OGFOD1: variants seen among roughly 807,000 people sequenced by gnomAD.
OGFOD1 encodes 2-oxoglutarate and iron dependent oxygenase domain containing 1.
OGFOD1 carries 54 observed loss-of-function variants against 67.7 expected under a neutral mutation model. That is an observed-to-expected ratio of 0.80 (90% CI 0.64 to 1.00). The LOEUF (loss-of-function observed/expected upper bound fraction) is 1.00. Among genes scored for constraint, OGFOD1 ranks in the 50% least tolerant of loss-of-function variants. The probability of loss-of-function intolerance (pLI) is 0.00; values close to 1 mark genes in which losing one functional copy is unlikely to be tolerated. For missense variants in OGFOD1, 606 were observed against 646.7 expected, an observed-to-expected ratio of 0.94 and a Z score of 0.68; for synonymous variants, 221 against 227.0, an observed-to-expected ratio of 0.97 and a Z score of 0.24.
Position 56,466,145 on chromosome 16 carries a change from A to G in OGFOD1, c.449-7A>G, listed in dbSNP as rs1349150862. 6.2e-7 allele frequency: 1 copy of G among 1,609,168 alleles called. No homozygotes were observed. Among genetic ancestry groups the G allele is most frequent in the African/African-American group, 1.3e-5 (1 of 74,956 alleles). ...AGGGATCTAAGGTGTCCATTAAACT[A>G]TTGCAGATGCCCTGCTGTGCCATGA... On this transcript the variant is annotated splice_polypyrimidine_tract_variant and splice_region_variant and intron_variant, in intron 4 of 12. Coordinates refer to ENST00000566157, the MANE Select transcript of OGFOD1 (RefSeq NM_018233.4).
intron 11 of OGFOD1, 54 bp from the exon 12 acceptor site, chr16:56,475,453 G>C: frequency 6.6e-7 from 1 of 1,507,382 alleles, no homozygotes; most frequent in Non-Finnish European, 9.2e-7. Flanking sequence ...TAAGTAGATG[G>C]TGCGACTCTT....
chr16:56,463,176 T>A (rs560848120), intron 4 of OGFOD1, among the ~76,000 whole-genome samples: 95 of 152,128 alleles, frequency 6.2e-4, no homozygotes, highest in African/African-American at 2.3e-3. Context: ...ATATAAATGG[T>A]TTTTTTGGAT....
intron 4 of OGFOD1, among the ~76,000 whole-genome samples, chr16:56,463,820 T>C (rs1962809808): frequency 6.6e-6 from 1 of 152,000 alleles, no homozygotes; most frequent in Non-Finnish European, 1.5e-5. Flanking sequence ...TGAGAGTAAG[T>C]TGTTGGCATG....
chr16:56,459,553 A>G (rs1298715914), intron 3 of OGFOD1, among the ~76,000 whole-genome samples: 1 of 152,242 alleles, frequency 6.6e-6, no homozygotes, highest in African/African-American at 2.4e-5. Context: ...TGAATGTGGT[A>G]GTTATCTATG....
In OGFOD1 at chr16:56,470,016, C is replaced by T. The variant is rs1460745902; in HGVS notation, c.914C>T (p.Thr305Met). The change falls in exon 9 of 13, where the codon ACG (threonine) becomes ATG (methionine). Residue 305 changes from threonine to methionine, a missense_variant. Coordinates refer to ENST00000566157, the MANE Select transcript of OGFOD1 (RefSeq NM_018233.4). The stretch of plus-strand genomic sequence containing the variant: ...CTCATTTTCTAGCCTGAGAAATTCA[C>T]GAAAGTCTGTGAGGCCTTGGAGCAT... ...LKEFLKPEKF[T>M]KVCEALEHGH... is the part of the protein sequence containing the mutation. 17 of 1,613,974 alleles carry T rather than the reference C, an allele frequency of 1.1e-5. 1 individual carries two copies. The highest frequency in any genetic ancestry group is 2.2e-5 in the South Asian group (2 of 91,076).
intron 10 of OGFOD1, among the ~76,000 whole-genome samples, 184 bp from the exon 11 acceptor site, chr16:56,474,644 A>C (rs769966901): frequency 6.6e-6 from 1 of 152,010 alleles, no homozygotes; most frequent in Non-Finnish European, 1.5e-5. Flanking sequence ...TTTACCCCAA[A>C]ATAGAGCTGG....
chr16:56,458,468 G>T, intron 2 of OGFOD1, 80 bp from the exon 3 acceptor site: 1 of 1,278,578 alleles, frequency 7.8e-7, no homozygotes, highest in South Asian at 1.2e-5. Context: ...GCTAGGACCA[G>T]AACACTCACT....
Position 56,477,516 on chromosome 16 carries a change from A to G in OGFOD1, c.*1311A>G, listed in dbSNP as rs1485943881. 1 of 152,206 alleles carries G rather than the reference A, an allele frequency of 6.6e-6. No individual in the cohort carries two copies. The highest frequency in any genetic ancestry group is 1.5e-5 in the Non-Finnish European group (1 of 68,032). 9.4% of individuals were successfully genotyped at this position (152,206 alleles called of 1,614,324 possible). A position where few individuals can be genotyped will look rare whatever the true frequency, so the allele number is the denominator to read the frequency against. On this transcript the variant is annotated 3_prime_UTR_variant, in exon 13 of 13. Coordinates refer to ENST00000566157, the MANE Select transcript of OGFOD1 (RefSeq NM_018233.4). The stretch of plus-strand genomic sequence containing the variant: ...CCTCACGTGTTGCTTCTGTTTTCCT[A>G]AATACTGTAGGGTCAACTATATAAC...
intron 1 of OGFOD1, among the ~76,000 whole-genome samples, chr16:56,452,931 G>C (rs1253578927): frequency 6.6e-6 from 1 of 152,114 alleles, no homozygotes; most frequent in African/African-American, 2.4e-5. Flanking sequence ...GCTACCCAAA[G>C]TTTGAGGGAA....
intron 10 of OGFOD1, among the ~76,000 whole-genome samples, chr16:56,473,703 A>AT (rs1226175104): frequency 2.2e-4 from 29 of 134,488 alleles, no homozygotes; most frequent in South Asian, 4.6e-4. Flanking sequence ...TGGTTACTTG[A>AT]TTTTTTTTTT....
At chr16:56,472,126 T>G (rs1963221499) in intron 10 of OGFOD1, among the ~76,000 whole-genome samples, 1 of 151,890 alleles carries the variant, frequency 6.6e-6, no homozygotes, top group South Asian at 2.1e-4. Flanking sequence ...CACACCCAAC[T>G]AATTTTCTTG....
intron 10 of OGFOD1, among the ~76,000 whole-genome samples, chr16:56,472,876 AC>A (rs1367092239): frequency 1.3e-5 from 2 of 152,054 alleles, no homozygotes; most frequent in Non-Finnish European, 2.9e-5. Flanking sequence ...AGGTTTGCAC[AC>A]CCTCCTCACT....
At chr16:56,474,694 T>G in intron 10 of OGFOD1, 134 bp from the exon 11 acceptor site, 4 of 653,876 alleles carry the variant, frequency 6.1e-6, no homozygotes, top group Non-Finnish European at 1.0e-5. Flanking sequence ...ATTGGTAGAA[T>G]AGCACTTCAA....
intron 8 of OGFOD1, among the ~76,000 whole-genome samples, chr16:56,468,684 C>G (rs1203006053): frequency 6.6e-6 from 1 of 151,494 alleles, no homozygotes; most frequent in Non-Finnish European, 1.5e-5. Context: ...TGAGATTGCG[C>G]CATTGCACTC....
intron 10 of OGFOD1, among the ~76,000 whole-genome samples, chr16:56,473,610 T>C (rs1307218220): frequency 2.0e-5 from 3 of 152,210 alleles, no homozygotes; most frequent in Non-Finnish European, 2.9e-5. Flanking sequence ...TTATATTTTC[T>C]TTTCCAACTT....
chr16:56,462,878 C>A (rs2143997582), intron 4 of OGFOD1, among the ~76,000 whole-genome samples: 1 of 152,322 alleles, frequency 6.6e-6, no homozygotes, highest in South Asian at 2.1e-4. Flanking sequence ...CCATAACATA[C>A]ATACACACCA....
At chr16:56,452,671 G>A (rs966085479) in intron 1 of OGFOD1, among the ~76,000 whole-genome samples, 3 of 152,188 alleles carry the variant, frequency 2.0e-5, no homozygotes, top group Admixed American at 6.5e-5. Context: ...CCTCAGAGCT[G>A]TTAAAAAGAT....
At position 56,463,384 on chromosome 16, in the gene OGFOD1, G is replaced by GTTTT. The variant is rs56388148; in HGVS notation, c.448+777_448+780dup. Among the ~76,000 whole-genome samples, 267 of 43,806 alleles carry GTTTT rather than the reference G, an allele frequency of 6.1e-3. 18 individuals are homozygous for GTTTT. Among genetic ancestry groups the GTTTT allele is most frequent in the Non-Finnish European group, 7.5e-3 (190 of 25,496 alleles). 28.7% of individuals were successfully genotyped at this position (43,806 alleles called of 152,430 possible). ...TACTGCCATGTCATTTCTTTTTTGGGTTTTTTTTTTTTTTTTTTTTTTTTT... is the reference window on the plus strand; with the variant it reads ...TACTGCCATGTCATTTCTTTTTTGGGTTTTTTTTTTTTTTTTTTTTTTTTTTTTT... On this transcript the variant is annotated intron_variant, in intron 4 of 12. Coordinates refer to ENST00000566157, the MANE Select transcript of OGFOD1 (RefSeq NM_018233.4).
At chr16:56,467,434 T>A (rs969086849) in intron 7 of OGFOD1, 141 bp downstream of exon 7, 8 of 946,596 alleles carry the variant, frequency 8.5e-6, no homozygotes, top group Non-Finnish European at 1.5e-6. Context: ...TTCTTCCTTT[T>A]TTTTTTTTTT....
Sources: gnomAD v4.1 joint callset for allele counts (sites outside exome capture counted in the v4.1 genomes callset) on GRCh38, gnomAD v4.1.1 for gene constraint, MANE v1.5 for transcripts, NCBI Gene and HGNC (gene_info 2026-07-23, HGNC 2026-07-21) for gene names.